The following PRKG1 variants were observed in gnomAD, a reference collection of about 807,000 sequenced individuals.
The protein encoded by PRKG1 is cGMP-dependent protein kinase 1.
PRKG1 carries 35 observed loss-of-function variants against 88.1 expected under a neutral mutation model. That is an observed-to-expected ratio of 0.40 (90% CI 0.30 to 0.53). The LOEUF (loss-of-function observed/expected upper bound fraction) is 0.53, where lower values mean the gene tolerates loss of function less well. PRKG1 is among the 20% of genes least tolerant of loss of function. The pLI, the probability that PRKG1 is intolerant of heterozygous loss-of-function variation, is 0.59. For synonymous variants in PRKG1, 303 were observed against 292.5 expected, an observed-to-expected ratio of 1.04 and a Z score of -0.37; for missense variants, 540 against 839.8, an observed-to-expected ratio of 0.64 and a Z score of 4.41.
intron 3 of PRKG1, among the ~76,000 whole-genome samples, chr10:51,646,410 CTT>C (rs1218594450): frequency 1.3e-5 from 2 of 152,114 alleles, no homozygotes; most frequent in African/African-American, 4.8e-5. Context: ...TCTTTTTCAT[CTT>C]TGTCCTTCCG....
At chr10:51,571,930 C>T (rs947724286) in intron 3 of PRKG1, among the ~76,000 whole-genome samples, 20 of 150,892 alleles carry the variant, frequency 1.3e-4, no homozygotes, top group African/African-American at 2.9e-4. Flanking sequence ...TCTTATCTAC[C>T]GGAAAGCATA....
chr10:51,290,162 C>T (rs1191046470), intron 2 of PRKG1, among the ~76,000 whole-genome samples: 2 of 152,072 alleles, frequency 1.3e-5, no homozygotes, highest in Non-Finnish European at 2.9e-5. Flanking sequence ...ATCATTTGAA[C>T]CCAGGAGTTC....
intron 4 of PRKG1, among the ~76,000 whole-genome samples, chr10:51,871,285 T>C (rs1841151207): frequency 6.6e-6 from 1 of 151,916 alleles, no homozygotes; most frequent in South Asian, 2.1e-4. Flanking sequence ...GTTAGTAGAG[T>C]TTTAATAATT....
intron 3 of PRKG1, among the ~76,000 whole-genome samples, chr10:51,556,527 A>G (rs1837316210): frequency 6.6e-6 from 1 of 152,006 alleles, no homozygotes; most frequent in Non-Finnish European, 1.5e-5. Context: ...TGTCTTATAT[A>G]TACATCACAG....
At chr10:52,035,442 C>A (rs539543094) in intron 5 of PRKG1, among the ~76,000 whole-genome samples, 4 of 152,196 alleles carry the variant, frequency 2.6e-5, no homozygotes, top group Admixed American at 2.0e-4. Flanking sequence ...AAGAGGCAGG[C>A]TAGTGGCTTG....
intron 4 of PRKG1, among the ~76,000 whole-genome samples, chr10:51,861,129 C>T (rs934831238): frequency 6.6e-6 from 1 of 152,144 alleles, no homozygotes. Flanking sequence ...ACTCATTGAA[C>T]ATCACACAGC....
chr10:51,743,711 A>AT (rs1837499632), intron 3 of PRKG1, among the ~76,000 whole-genome samples: 3 of 115,154 alleles, frequency 2.6e-5, no homozygotes, highest in African/African-American at 1.0e-4. Context: ...ATATAAACTA[A>AT]ATATATATAT....
chr10:52,166,787 C>CTATATATATATATATATATATATATA (rs201538311), intron 9 of PRKG1, among the ~76,000 whole-genome samples: 2 of 12,462 alleles, frequency 1.6e-4, no homozygotes, highest in Non-Finnish European at 9.3e-4. Flanking sequence ...ATAAAAAAGC[C>CTATATATATATATATATATATATATA]TATATATATA....
At chr10:51,133,770 T>C (rs1845627062) in intron 1 of PRKG1, among the ~76,000 whole-genome samples, 1 of 152,326 alleles carries the variant, frequency 6.6e-6, no homozygotes, top group East Asian at 1.9e-4. Flanking sequence ...TCGTGAATTA[T>C]GATGAACACT....
At chr10:51,894,301 AT>A (rs1327778874) in intron 4 of PRKG1, among the ~76,000 whole-genome samples, 2 of 152,210 alleles carry the variant, frequency 1.3e-5, no homozygotes, top group Non-Finnish European at 2.9e-5. Flanking sequence ...ACTGGATGAA[AT>A]AAGCAGACAC....
At chr10:51,655,690 G>T (rs1382261669) in intron 3 of PRKG1, among the ~76,000 whole-genome samples, 1 of 152,028 alleles carries the variant, frequency 6.6e-6, no homozygotes, top group Non-Finnish European at 1.5e-5. Flanking sequence ...CATTATAATG[G>T]AAAACTGGAT....
rs147369167 is a variant in PRKG1 at position 52,008,097 on chromosome 10, A to C, written c.763-46387A>C. On this transcript the variant is annotated intron_variant, in intron 5 of 17. Coordinates refer to ENST00000373980, the MANE Select transcript of PRKG1 (RefSeq NM_006258.4). ...AAACTAATAAGAACAAAGATACAAC[A>C]TACCAGAATCTCTGGGACACAGCTA... Among the ~76,000 whole-genome samples the C allele has an allele frequency of 7.6e-3, 1,155 of 152,292 alleles. 9 individuals are homozygous for C. Among genetic ancestry groups the C allele is most frequent in the African/African-American group, 0.026 (1,064 of 41,580 alleles).
chr10:51,720,966 G>A (rs1423602869), intron 3 of PRKG1, among the ~76,000 whole-genome samples: 1 of 151,940 alleles, frequency 6.6e-6, no homozygotes, highest in Non-Finnish European at 1.5e-5. Context: ...GAATTTTTTG[G>A]GAGGCAGAGG....
intron 2 of PRKG1, among the ~76,000 whole-genome samples, chr10:51,257,820 G>T (rs1839604384): frequency 1.3e-5 from 2 of 152,112 alleles, no homozygotes; most frequent in South Asian, 4.1e-4. Flanking sequence ...AGAATCAGGG[G>T]CAGTGAGCAT....
chr10:52,266,126 C>T (rs1487893706), intron 10 of PRKG1, among the ~76,000 whole-genome samples: 1 of 151,470 alleles, frequency 6.6e-6, no homozygotes, highest in African/African-American at 2.4e-5. Flanking sequence ...ACCCAATTAC[C>T]CCTATTATTG....
chr10:52,051,107 C>A (rs1020049810), intron 5 of PRKG1, among the ~76,000 whole-genome samples: 11 of 152,138 alleles, frequency 7.2e-5, no homozygotes, highest in South Asian at 2.1e-4. Flanking sequence ...GGTTAAGAAC[C>A]CCTTACTTTC....
intron 3 of PRKG1, among the ~76,000 whole-genome samples, chr10:51,542,025 C>T (rs940759549): frequency 4.6e-5 from 7 of 151,968 alleles, no homozygotes; most frequent in African/African-American, 1.7e-4. Context: ...TGACCCCAGT[C>T]CCCAGGCTCT....
At chr10:52,187,688 A>G (rs1228840230) in intron 9 of PRKG1, among the ~76,000 whole-genome samples, 1 of 152,198 alleles carries the variant, frequency 6.6e-6, no homozygotes, top group Non-Finnish European at 1.5e-5. Context: ...CTGCCAGCAC[A>G]ATGCTATATT....
At chr10:51,739,049 G>C (rs1837365337) in intron 3 of PRKG1, among the ~76,000 whole-genome samples, 1 of 152,100 alleles carries the variant, frequency 6.6e-6, no homozygotes, top group Admixed American at 6.5e-5. Context: ...TAATATTGCT[G>C]TCCTGAAATA....
Sources: allele counts gnomAD v4.1 joint callset (sites outside exome capture counted in the v4.1 genomes callset), GRCh38; gene constraint gnomAD v4.1.1; transcripts MANE v1.5; gene names NCBI Gene and HGNC (gene_info 2026-07-23, HGNC 2026-07-21).